The following PCSK2 variants were observed in gnomAD, a reference collection of about 807,000 sequenced individuals.
PCSK2 encodes proprotein convertase subtilisin/kexin type 2.
PCSK2 carries 14 observed loss-of-function variants against 69.7 expected under a neutral mutation model. The observed-to-expected ratio is 0.20, with a 90% confidence interval of 0.13 to 0.31. The LOEUF (loss-of-function observed/expected upper bound fraction) is 0.31, where lower values mean the gene tolerates loss of function less well. Among genes scored for constraint, PCSK2 ranks in the 10% least tolerant of loss-of-function variants. The pLI is 1.00. For missense variants in PCSK2, 544 were observed against 842.5 expected, an observed-to-expected ratio of 0.65 and a Z score of 4.39; for synonymous variants, 307 against 320.7, an observed-to-expected ratio of 0.96 and a Z score of 0.46.
intron 6 of PCSK2, among the ~76,000 whole-genome samples, chr20:17,415,720 G>A (rs912783220): frequency 1.3e-5 from 2 of 152,150 alleles, no homozygotes; most frequent in Non-Finnish European, 2.9e-5. Context: ...AGCCCGCATT[G>A]CCAAAACAAT....
intron 1 of PCSK2, among the ~76,000 whole-genome samples, chr20:17,228,825 CAGAGGTCTGGGA>C (rs1311822770): frequency 6.6e-6 from 1 of 152,182 alleles, no homozygotes; most frequent in Non-Finnish European, 1.5e-5. Context: ...ACGAGTTTGA[CAGAGGTCTGGGA>C]AGAGGCTCTG....
chr20:17,408,633 A>T (rs1038753042), intron 5 of PCSK2, among the ~76,000 whole-genome samples: 11 of 152,254 alleles, frequency 7.2e-5, no homozygotes, highest in African/African-American at 1.7e-4. Flanking sequence ...TATAAGTTAC[A>T]TAAGGGCAGG....
chr20:17,303,456 TAA>T (rs1246686128), intron 2 of PCSK2, among the ~76,000 whole-genome samples: 1 of 55,298 alleles, frequency 1.8e-5, no homozygotes, highest in East Asian at 2.7e-4. Flanking sequence ...TATATTATAT[TAA>T]ATATAATATA....
At chr20:17,394,867 GT>G (rs1210218677) in intron 5 of PCSK2, among the ~76,000 whole-genome samples, 1 of 152,196 alleles carries the variant, frequency 6.6e-6, no homozygotes, top group Non-Finnish European at 1.5e-5. Context: ...TGCTGTCCAA[GT>G]TTTTTGGCTT....
chr20:17,250,872 G>A (rs1986950956), intron 1 of PCSK2, among the ~76,000 whole-genome samples: 2 of 152,056 alleles, frequency 1.3e-5, no homozygotes, highest in South Asian at 4.2e-4. Context: ...GGTCAAGGCG[G>A]GCAGATCACT....
chr20:17,226,803 C>A (rs1184287055), upstream of PCSK2, among the ~76,000 whole-genome samples: 1 of 136,502 alleles, frequency 7.3e-6, no homozygotes, highest in African/African-American at 2.7e-5. Context: ...GGGCTCGCTG[C>A]GCTGCGCTGC....
chr20:17,327,903 T>G (rs888806958), intron 2 of PCSK2, among the ~76,000 whole-genome samples: 1 of 152,352 alleles, frequency 6.6e-6, no homozygotes, highest in African/African-American at 2.4e-5. Context: ...ATTTATTTAC[T>G]GCTGCCTCAA....
At chr20:17,306,469 G>A (rs1335903838) in intron 2 of PCSK2, among the ~76,000 whole-genome samples, 4 of 152,068 alleles carry the variant, frequency 2.6e-5, no homozygotes, top group African/African-American at 7.2e-5. Flanking sequence ...TCTGTCTAGT[G>A]GGCATTAGAT....
intron 2 of PCSK2, among the ~76,000 whole-genome samples, chr20:17,340,590 T>G (rs1358416684): frequency 6.6e-6 from 1 of 152,226 alleles, no homozygotes. Context: ...TTACTGCTTA[T>G]CTTGTGTTTT....
chr20:17,378,272 G>A (rs893983429), intron 5 of PCSK2, among the ~76,000 whole-genome samples: 1 of 151,062 alleles, frequency 6.6e-6, no homozygotes, highest in African/African-American at 2.4e-5. Context: ...TTGTTTTCTT[G>A]GGTCGATACA....
At chr20:17,435,720 C>T (rs2032471398) in intron 7 of PCSK2, among the ~76,000 whole-genome samples, 1 of 152,350 alleles carries the variant, frequency 6.6e-6, no homozygotes, top group South Asian at 2.1e-4. Flanking sequence ...TTCACTAGCA[C>T]TCTAAGCTCC....
At chr20:17,232,313 C>T (rs1201951558) in intron 1 of PCSK2, among the ~76,000 whole-genome samples, 1 of 152,192 alleles carries the variant, frequency 6.6e-6, no homozygotes, top group African/African-American at 2.4e-5. Context: ...GTGAGAGTTC[C>T]AGCTGCTCCA....
chr20:17,235,918 G>A (rs1033275942), intron 1 of PCSK2, among the ~76,000 whole-genome samples: 3 of 151,916 alleles, frequency 2.0e-5, no homozygotes, highest in African/African-American at 7.3e-5. Flanking sequence ...ATTAAATCAC[G>A]AGATAAGTTA....
intron 2 of PCSK2, among the ~76,000 whole-genome samples, chr20:17,323,715 C>G (rs186405377): frequency 5.9e-5 from 9 of 152,216 alleles, no homozygotes; most frequent in Non-Finnish European, 1.3e-4. Context: ...ATGGGCAGCA[C>G]AGGGCACTCA....
intron 5 of PCSK2, among the ~76,000 whole-genome samples, chr20:17,370,472 A>G (rs1568622118): frequency 1.3e-5 from 2 of 152,230 alleles, no homozygotes; most frequent in Non-Finnish European, 2.9e-5. Flanking sequence ...AGGAAAAACT[A>G]TTAAATGAAT....
intron 1 of PCSK2, among the ~76,000 whole-genome samples, chr20:17,241,189 C>T (rs907228267): frequency 6.6e-6 from 1 of 152,090 alleles, no homozygotes; most frequent in Non-Finnish European, 1.5e-5. Context: ...GGTAAATTTA[C>T]AATGAGGCTT....
At chr20:17,392,176 T>A (rs1234884417) in intron 5 of PCSK2, among the ~76,000 whole-genome samples, 1 of 152,126 alleles carries the variant, frequency 6.6e-6, no homozygotes, top group Non-Finnish European at 1.5e-5. Context: ...CTCGAGAGAA[T>A]ATGGCCCTGA....
intron 2 of PCSK2, among the ~76,000 whole-genome samples, chr20:17,300,664 T>G (rs1315302196): frequency 1.3e-5 from 2 of 152,242 alleles, no homozygotes; most frequent in Non-Finnish European, 2.9e-5. Context: ...GTTTTTATAG[T>G]GAGAATATTT....
intron 2 of PCSK2, among the ~76,000 whole-genome samples, chr20:17,340,736 A>T (rs1402107083): frequency 2.0e-5 from 3 of 152,156 alleles, no homozygotes; most frequent in Non-Finnish European, 4.4e-5. Context: ...CTGAATCTTC[A>T]GCAGAATGTT....
Sources: allele counts gnomAD v4.1 joint callset (sites outside exome capture counted in the v4.1 genomes callset), GRCh38; gene constraint gnomAD v4.1.1; transcripts MANE v1.5; gene names NCBI Gene and HGNC (gene_info 2026-07-23, HGNC 2026-07-21).